Variants in CCR3 observed in about 807,000 individuals in gnomAD.
CCR3 encodes C-C chemokine receptor type 3.
For missense variants in CCR3, 419 were observed against 437.5 expected, an observed-to-expected ratio of 0.96 and a Z score of 0.38; for synonymous variants, 203 against 179.2, an observed-to-expected ratio of 1.13 and a Z score of -1.06.
rs1220210620 is a variant in CCR3 at position 46,243,000 on chromosome 3, T to TACACAC, written c.-12+463_-12+464insCACACA. On this transcript the variant is annotated intron_variant, in intron 1 of 1. Coordinates refer to ENST00000395940, the MANE Select transcript of CCR3 (RefSeq NM_178329.3). ...ATATACACATATATATATATATATA[T>TACACAC]ATACGCACACACACATACATTTTTA... Among the ~76,000 whole-genome samples the TACACAC allele has an allele frequency of 1.4e-3, 151 of 106,768 alleles. 2 individuals are homozygous for TACACAC. Among genetic ancestry groups the TACACAC allele is most frequent in the African/African-American group, 6.8e-3 (143 of 20,882 alleles). 70.0% of individuals were successfully genotyped at this position (106,768 alleles called of 152,430 possible). A position where few individuals can be genotyped will look rare whatever the true frequency, so the allele number is the denominator to read the frequency against.
upstream of CCR3, among the ~76,000 whole-genome samples, chr3:46,237,664 C>G (rs1435268024): frequency 6.6e-6 from 1 of 152,200 alleles, no homozygotes; most frequent in Non-Finnish European, 1.5e-5. Flanking sequence ...GTTTTCCCAG[C>G]AGCATGTATT....
chr3:46,235,193 C>T (rs1700010598), intron 2 of CCR3, among the ~76,000 whole-genome samples: 1 of 152,164 alleles, frequency 6.6e-6, no homozygotes, highest in Non-Finnish European at 1.5e-5. Flanking sequence ...CCTCACTCCC[C>T]CACCTACCCC....
At chr3:46,260,340 C>A (rs773592936) in intron 1 of CCR3, among the ~76,000 whole-genome samples, 3 of 152,200 alleles carry the variant, frequency 2.0e-5, no homozygotes, top group Non-Finnish European at 2.9e-5. Context: ...TAACTCATTT[C>A]ATCATTAACT....
In CCR3 at chr3:46,232,061, A is replaced by T. The variant is rs574479625; in HGVS notation, c.-67-10341A>T. On this transcript the variant is annotated intron_variant, in intron 2 of 3. Coordinates refer to the CCR3 transcript ENST00000357422. ...TTCCATATCCTGGGGAGAAAAATGT[A>T]TTTTCTGCATAATTTCTAAATCATT... Among the ~76,000 whole-genome samples the T allele has an allele frequency of 2.0e-5, 3 of 152,276 alleles. No homozygotes were observed. In the South Asian group the frequency reaches 6.2e-4, roughly 32 times the overall value.
At chr3:46,223,015 G>A (rs1699854127) in intron 2 of CCR3, among the ~76,000 whole-genome samples, 1 of 152,204 alleles carries the variant, frequency 6.6e-6, no homozygotes, top group Non-Finnish European at 1.5e-5. Context: ...TCCCTGTCCA[G>A]GTCCAGCCCA....
At chr3:46,225,442 T>C (rs1699883573) in intron 2 of CCR3, among the ~76,000 whole-genome samples, 1 of 152,234 alleles carries the variant, frequency 6.6e-6, no homozygotes, top group African/African-American at 2.4e-5. Context: ...CCAGCTACAA[T>C]TGCTGGGTTG....
At chr3:46,228,061 T>C (rs898084334) in intron 2 of CCR3, among the ~76,000 whole-genome samples, 1 of 152,152 alleles carries the variant, frequency 6.6e-6, no homozygotes, top group African/African-American at 2.4e-5. Flanking sequence ...AATAGGAAGA[T>C]AACATCCCAC....
At chr3:46,263,227 GA>G (rs1384296677) in intron 1 of CCR3, among the ~76,000 whole-genome samples, 1 of 152,170 alleles carries the variant, frequency 6.6e-6, no homozygotes. Flanking sequence ...CACTCTTGGA[GA>G]AAAAGGAAAA....
chr3:46,224,003 C>T (rs1699864767), intron 2 of CCR3, among the ~76,000 whole-genome samples: 1 of 152,062 alleles, frequency 6.6e-6, no homozygotes, highest in Admixed American at 6.5e-5. Context: ...AGAAACAGCT[C>T]AGGGAGAGCT....
At chr3:46,237,193 C>A (rs1430301082) in intron 2 of CCR3, among the ~76,000 whole-genome samples, 4 of 152,112 alleles carry the variant, frequency 2.6e-5, no homozygotes. Flanking sequence ...GTGCAGTATC[C>A]CTTTGATATA....
intron 1 of CCR3, among the ~76,000 whole-genome samples, chr3:46,256,659 TA>T (rs1416176079): frequency 6.6e-6 from 1 of 152,158 alleles, no homozygotes; most frequent in Non-Finnish European, 1.5e-5. Context: ...TATTCATAAA[TA>T]AATAGTGTCA....
intron 2 of CCR3, among the ~76,000 whole-genome samples, chr3:46,213,083 G>C (rs1480659129): frequency 2.0e-5 from 3 of 152,188 alleles, no homozygotes; most frequent in Non-Finnish European, 4.4e-5. Flanking sequence ...CTCTTTAACA[G>C]TCTCTTGTAA....
At chr3:46,233,225 G>T (rs1050621175) in intron 2 of CCR3, among the ~76,000 whole-genome samples, 2 of 152,202 alleles carry the variant, frequency 1.3e-5, no homozygotes, top group African/African-American at 2.4e-5. Context: ...CTAGAGAGGG[G>T]CCCTGCTGGC....
intron 1 of CCR3, among the ~76,000 whole-genome samples, chr3:46,242,834 C>G (rs145466272): frequency 4.0e-5 from 6 of 151,724 alleles, no homozygotes; most frequent in African/African-American, 1.5e-4. Context: ...GCCCATGTTA[C>G]CCTCCTATAC....
chr3:46,241,468 C>T (rs1700084278), upstream of CCR3, among the ~76,000 whole-genome samples: 1 of 152,130 alleles, frequency 6.6e-6, no homozygotes, highest in Admixed American at 6.5e-5. Flanking sequence ...TGACGCTTTG[C>T]CCTGAGACAT....
chr3:46,248,400 A>C (rs969385754), intron 1 of CCR3, among the ~76,000 whole-genome samples: 1 of 152,216 alleles, frequency 6.6e-6, no homozygotes, highest in Non-Finnish European at 1.5e-5. Flanking sequence ...TGCTGCATGC[A>C]GACATGAGGG....
intron 2 of CCR3, among the ~76,000 whole-genome samples, chr3:46,220,322 A>T (rs1699821870): frequency 6.6e-6 from 1 of 152,228 alleles, no homozygotes; most frequent in Non-Finnish European, 1.5e-5. Flanking sequence ...GGCCATAATT[A>T]AAAAATCAAA....
In CCR3 at chr3:46,265,209, T is replaced by C. The variant is rs4987053; in HGVS notation, c.51T>C (p.Tyr17=). ...TVETFGTTSY[Y]DDVGLLCEKA... ...AGACCTTTGGTACCACATCCTACTA[T>C]GATGACGTGGGCCTGCTCTGTGAAA... The change falls in exon 2 of 2, where the codon TAT becomes TAC. Residue 17 remains tyrosine, a synonymous_variant. Coordinates refer to ENST00000395940, the MANE Select transcript of CCR3 (RefSeq NM_178329.3). 0.08 allele frequency: 129,789 copies of C among 1,613,712 alleles called. 6,408 individuals carry two copies. The highest frequency in any genetic ancestry group is 0.19 in the South Asian group (17,726 of 91,064).
chr3:46,235,410 A>G (rs1356974854), intron 2 of CCR3, among the ~76,000 whole-genome samples: 1 of 152,226 alleles, frequency 6.6e-6, no homozygotes, highest in Non-Finnish European at 1.5e-5. Flanking sequence ...CGCACTTCCT[A>G]CAAGCACTTC....
Sources: gnomAD v4.1 joint callset for allele counts (sites outside exome capture counted in the v4.1 genomes callset) on GRCh38, gnomAD v4.1.1 for gene constraint, MANE v1.5 for transcripts, NCBI Gene and HGNC (gene_info 2026-07-23, HGNC 2026-07-21) for gene names.